The following ZNF226 variants were observed in gnomAD, a reference collection of about 807,000 sequenced individuals.
ZNF226 encodes Kruppel-associated box protein.
A neutral mutation model predicts 11.4 loss-of-function variants in ZNF226; 6 were observed. That is an observed-to-expected ratio of 0.53 (90% CI 0.29 to 1.04). The LOEUF is 1.04. ZNF226 is among the 50% of genes least tolerant of loss of function. The probability of loss-of-function intolerance (pLI) is 0.08; values close to 1 mark genes in which losing one functional copy is unlikely to be tolerated. For missense variants in ZNF226, 1,058 were observed against 956.5 expected (o/e 1.11, Z -1.40); for synonymous variants, 350 against 322.8 (o/e 1.08, Z -0.90).
At chr19:44,179,270 G>A (rs912201245), downstream of ZNF226, among the ~76,000 whole-genome samples, 28 of 152,098 alleles carry the variant, frequency 1.8e-4, no homozygotes, top group Non-Finnish European at 2.9e-4. Flanking sequence ...CCACAGCATC[G>A]AAGAGAATGC....
At chr19:44,181,676 CAAAGCTG>C (rs1445242417), downstream of ZNF226, among the ~76,000 whole-genome samples, 1 of 152,152 alleles carries the variant, frequency 6.6e-6, no homozygotes, top group Non-Finnish European at 1.5e-5. Flanking sequence ...CAGATTCCAA[CAAAGCTG>C]AGGGTTTTGC....
the ZNF226 span, among the ~76,000 whole-genome samples, chr19:44,188,156 G>A: frequency 6.6e-6 from 1 of 152,140 alleles, no homozygotes; most frequent in African/African-American, 2.4e-5. Context: ...CTTTAGTGTT[G>A]TTCAAGTCCT....
intron 2 of ZNF226, chr19:44,166,864 A>C (rs1969435023): frequency 1.3e-5 from 2 of 152,206 alleles, no homozygotes. Context: ...AGAAATCTGC[A>C]TTTCAACAAG....
chr19:44,173,355 G>A, intron 5 of ZNF226: 1 of 275,220 alleles, frequency 3.6e-6, no homozygotes, highest in Non-Finnish European at 6.7e-6. Flanking sequence ...TATCAAGGAT[G>A]CTTCTGCCTC....
chr19:44,186,839 A>G, the ZNF226 span, among the ~76,000 whole-genome samples: 1 of 149,628 alleles, frequency 6.7e-6, no homozygotes, highest in African/African-American at 2.5e-5. Context: ...GGCTGTCATT[A>G]TATTTAGGTA....
chr19:44,181,967 A>G (rs1356221735), downstream of ZNF226, among the ~76,000 whole-genome samples: 1 of 152,224 alleles, frequency 6.6e-6, no homozygotes, highest in Non-Finnish European at 1.5e-5. Context: ...ATTTATATCA[A>G]TAGAAACCTG....
At position 44,176,981 on chromosome 19, in the gene ZNF226, A is replaced by T; in HGVS notation, c.1719A>T (p.Arg573=). The part of the protein sequence containing the change: ...ECGQGFNQSS[R]LQIHQLIHTG... ...GGCAGGGTTTCAATCAGAGCTCACGACTTCAGATTCACCAGCTGATCCATA... is the reference window on the plus strand; with the variant it reads ...GGCAGGGTTTCAATCAGAGCTCACGTCTTCAGATTCACCAGCTGATCCATA... Residue 573 remains arginine, a synonymous_variant, in exon 6 of 6, where the codon CGA becomes CGT. Coordinates refer to ENST00000337433, the MANE Select transcript of ZNF226 (RefSeq NM_001032373.2). 6.2e-7 allele frequency: 1 copy of T among 1,613,742 alleles called. No homozygotes were observed.
downstream of ZNF226, chr19:44,177,852 A>G: frequency 1.4e-6 from 1 of 707,452 alleles, no homozygotes; most frequent in East Asian, 3.0e-5. Flanking sequence ...TACTTAGAAG[A>G]GGGGTGTTAA....
the ZNF226 span, among the ~76,000 whole-genome samples, chr19:44,193,365 T>C: frequency 1.3e-5 from 2 of 151,956 alleles, no homozygotes; most frequent in African/African-American, 4.8e-5. Context: ...ATCACAAGTG[T>C]ATAAAAAAAG....
At chr19:44,182,527 A>C (rs578078177), downstream of ZNF226, among the ~76,000 whole-genome samples, 1 of 152,302 alleles carries the variant, frequency 6.6e-6, no homozygotes, top group African/African-American at 2.4e-5. Context: ...GATGTATGTA[A>C]AGCCTTACTC....
rs569897506 is a variant in ZNF226 at position 44,175,338 on chromosome 19, G to A, written c.236-160G>A. On this transcript the variant is annotated intron_variant, in intron 5 of 5. Coordinates refer to ENST00000337433, the MANE Select transcript of ZNF226 (RefSeq NM_001032373.2). ...ATCTCTTGGTTTTGGACCATCTCTT[G>A]GTTTCTGTCAGTATGTAAACCAGAA... The A allele has an allele frequency of 1.4e-5, 20 of 1,412,928 alleles. No homozygotes were observed. In the African/African-American group the frequency reaches 2.9e-4, roughly 20 times the overall value. The allele number at this position is 1,412,928 out of a possible 1,614,324, so 87.5% of individuals were successfully genotyped here.
chr19:44,172,612 A>G (rs910620964), intron 4 of ZNF226: 10 of 496,212 alleles, frequency 2.0e-5, no homozygotes, highest in Admixed American at 1.5e-4. Context: ...GTGAGAACCA[A>G]TGGGAGATTT....
chr19:44,176,949 G>T lies in ZNF226; in HGVS notation c.1687G>T (p.Glu563Ter). 6.2e-7 allele frequency: 1 copy of T among 1,613,954 alleles called. No homozygotes were observed. Among genetic ancestry groups the T allele is most frequent in the African/African-American group, 1.3e-5 (1 of 75,032 alleles). Residue 563 changes from glutamate to a stop codon, truncating the protein, a stop_gained, in exon 6 of 6, where the codon GAG (glutamate) becomes TAG (stop). Transcript: ENST00000337433. LOFTEE classifies it low-confidence loss of function (END_TRUNC). ...TATAGAGAAACCTTTTAAGTGTGAGGAGTGTGGGCAGGGTTTCAATCAGAG... is the reference window on the plus strand; with the variant it reads ...TATAGAGAAACCTTTTAAGTGTGAGTAGTGTGGGCAGGGTTTCAATCAGAG... ...HSIEKPFKCE[E>*]CGQGFNQSSR...
At position 44,177,367 on chromosome 19, in the gene ZNF226, G is replaced by A. The variant is rs1970788013; in HGVS notation, c.2105G>A (p.Gly702Glu). The change falls in exon 6 of 6, where the codon GGG becomes GAG. Residue 702 changes from glycine (G) to glutamate (E), a missense_variant. By Grantham distance (98) the Gly-to-Glu change is moderately conservative. Transcript: ENST00000337433. ...VHTGEKPYKC[G>E]ECGKYFSQAS... ...ACAGGAGAAAAACCATATAAATGTG[G>A]GGAGTGTGGTAAGTACTTCAGTCAG... 2 of 1,611,936 alleles carry A rather than the reference G, an allele frequency of 1.2e-6. No homozygotes were observed. The highest frequency in any genetic ancestry group is 2.7e-5 in the African/African-American group (2 of 74,162).
chr19:44,172,550 AG>A, intron 4 of ZNF226: 1 of 440,122 alleles, frequency 2.3e-6, no homozygotes, highest in South Asian at 3.3e-5. Flanking sequence ...AGAACTCCTT[AG>A]GAAGAATGGC....
At chr19:44,196,037 G>GTT in the ZNF226 span, among the ~76,000 whole-genome samples, 58 of 148,628 alleles carry the variant, frequency 3.9e-4, no homozygotes, top group African/African-American at 1.3e-3. Context: ...GTACTTCATA[G>GTT]TTTTTTTTTT....
intron 3 of ZNF226, among the ~76,000 whole-genome samples, chr19:44,170,852 G>T (rs1970013037): frequency 6.6e-6 from 1 of 151,414 alleles, no homozygotes. Context: ...GGCAGAGGTT[G>T]CAGTGAGCCA....
the ZNF226 span, among the ~76,000 whole-genome samples, chr19:44,196,340 T>C: frequency 6.6e-6 from 1 of 152,218 alleles, no homozygotes; most frequent in African/African-American, 2.4e-5. Flanking sequence ...GCATGAACAG[T>C]GTAGTCATGG....
At chr19:44,177,784 C>A, downstream of ZNF226, 1 of 1,238,324 alleles carries the variant, frequency 8.1e-7, no homozygotes, top group Non-Finnish European at 1.1e-6. Context: ...ACAAAACAAT[C>A]TTTATGATTA....
Sources: allele counts gnomAD v4.1 joint callset (sites outside exome capture counted in the v4.1 genomes callset), GRCh38; gene constraint gnomAD v4.1.1; transcripts MANE v1.5; gene names NCBI Gene and HGNC (gene_info 2026-07-23, HGNC 2026-07-21).